The following FRMPD4 variants were observed in gnomAD, a reference collection of about 807,000 sequenced individuals.
The protein encoded by FRMPD4 is FERM and PDZ domain-containing protein 4.
Under a neutral mutation model 94.1 loss-of-function variants are expected in FRMPD4, and 22 were observed. The observed-to-expected ratio is 0.23, with a 90% CI of 0.17 to 0.33. The LOEUF (loss-of-function observed/expected upper bound fraction) is 0.33. Ranked by LOEUF, FRMPD4 falls within the 10% of genes least tolerant of loss-of-function variation. The pLI, the probability that FRMPD4 is intolerant of heterozygous loss-of-function variation, is 1.00. For missense variants in FRMPD4, 1,111 were observed against 1,339.9 expected (o/e 0.83, Z 2.67); for synonymous variants, 631 against 548.6 (o/e 1.15, Z -2.10).
chrX:12,433,679 T>C (rs1224575211), intron 1 of FRMPD4, among the ~76,000 whole-genome samples: 1 of 112,242 alleles, frequency 8.9e-6, no homozygotes, highest in Non-Finnish European at 1.9e-5. Flanking sequence ...ACTTACAGTC[T>C]ATTTGGAAAG....
At chrX:12,179,755 T>A (rs1232577242) in intron 1 of FRMPD4, among the ~76,000 whole-genome samples, 1 of 111,690 alleles carries the variant, frequency 9.0e-6, no homozygotes, top group Non-Finnish European at 1.9e-5. Flanking sequence ...CAAAGTTTAG[T>A]GCCCCATGGA....
Position 12,721,948 on chromosome X carries a change from T to C in FRMPD4, c.*90T>C. 1 of 335,160 alleles carries C rather than the reference T, an allele frequency of 3.0e-6. No homozygotes were observed. The highest frequency in any genetic ancestry group is 3.9e-6 in the Non-Finnish European group (1 of 255,030). The allele number at this position is 335,160 out of a possible 1,213,427, so 27.6% of individuals were successfully genotyped here. On this transcript the variant is annotated 3_prime_UTR_variant, in exon 17 of 17. Coordinates refer to ENST00000675598, the MANE Select transcript of FRMPD4 (RefSeq NM_001368397.1). ...GTATGATGAACAGATGTCTCCTTTC[T>C]TCTCTCTGTATATTTTGTTATTTTA...
intron 1 of FRMPD4, among the ~76,000 whole-genome samples, chrX:12,178,213 C>T (rs757557401): frequency 2.1e-4 from 23 of 111,800 alleles, no homozygotes; most frequent in African/African-American, 7.5e-4. Context: ...CCTCACTAGA[C>T]ATCAAATCAG....
intron 1 of FRMPD4, among the ~76,000 whole-genome samples, chrX:12,390,594 G>T (rs1302271938): frequency 9.0e-6 from 1 of 111,267 alleles, no homozygotes; most frequent in Non-Finnish European, 1.9e-5. Flanking sequence ...GTCACATTTG[G>T]GACCTTCTTA....
chrX:12,138,187 C>A (rs1322689299), upstream of FRMPD4, among the ~76,000 whole-genome samples: 2 of 112,580 alleles, frequency 1.8e-5, no homozygotes, highest in Non-Finnish European at 3.8e-5. Context: ...CCCTTCCCTT[C>A]CCCTTGACAA....
chrX:11,954,346 A>G (rs1389548923), intron 3 of FRMPD4, among the ~76,000 whole-genome samples: 1 of 112,412 alleles, frequency 8.9e-6, no homozygotes, highest in Non-Finnish European at 1.9e-5. Flanking sequence ...GAGATACTAC[A>G]TATTTTTTCC....
intron 3 of FRMPD4, among the ~76,000 whole-genome samples, chrX:11,927,278 C>T: frequency 8.9e-6 from 1 of 112,074 alleles, no homozygotes; most frequent in East Asian, 2.8e-4. Context: ...ACATTCTATG[C>T]TCACGTATAG....
At chrX:12,701,787 T>C in intron 9 of FRMPD4, 87 bp from the exon 10 acceptor site, 1 of 998,405 alleles carries the variant, frequency 1.0e-6, no homozygotes, top group Non-Finnish European at 1.4e-6. Flanking sequence ...GTTGAATCAC[T>C]CGGGAAATGT....
intron 3 of FRMPD4, among the ~76,000 whole-genome samples, chrX:11,969,642 C>T (rs2054329689): frequency 8.9e-6 from 1 of 111,776 alleles, no homozygotes; most frequent in Non-Finnish European, 1.9e-5. Flanking sequence ...GGCTGTCTTG[C>T]TATAGACCCA....
chrX:12,004,156 A>G (rs750733073), intron 3 of FRMPD4, among the ~76,000 whole-genome samples: 1 of 111,900 alleles, frequency 8.9e-6, no homozygotes, highest in Admixed American at 9.4e-5. Context: ...AAAGTTCCAG[A>G]GGTTGAAAAC....
intron 2 of FRMPD4, among the ~76,000 whole-genome samples, chrX:12,508,945 T>C (rs1453668868): frequency 2.3e-5 from 2 of 88,474 alleles, no homozygotes; most frequent in Non-Finnish European, 4.2e-5. Flanking sequence ...TGAGCTGAGA[T>C]CGCACCATTG....
chrX:12,459,370 G>A (rs1209881960), intron 1 of FRMPD4, among the ~76,000 whole-genome samples: 1 of 110,420 alleles, frequency 9.1e-6, no homozygotes, highest in African/African-American at 3.3e-5. Flanking sequence ...TGTAATTGCT[G>A]AATTTTAGTA....
intron 3 of FRMPD4, among the ~76,000 whole-genome samples, chrX:11,907,716 T>C (rs2053975609): frequency 8.9e-6 from 1 of 112,052 alleles, no homozygotes; most frequent in Non-Finnish European, 1.9e-5. Flanking sequence ...GATCACAACA[T>C]ATGAATACTG....
At chrX:11,829,893 G>A (rs780301564) in intron 1 of FRMPD4, among the ~76,000 whole-genome samples, 3 of 112,003 alleles carry the variant, frequency 2.7e-5, no homozygotes, top group Admixed American at 9.5e-5. Context: ...AAACTATATC[G>A]TCTTTCACTT....
At chrX:12,373,285 G>T (rs764281645) in intron 1 of FRMPD4, 1 of 112,036 alleles carries the variant, frequency 8.9e-6, no homozygotes, top group African/African-American at 3.2e-5. Flanking sequence ...ATTACATTTC[G>T]CATGCTTTAA....
At chrX:12,538,608 G>A (rs1414194946) in intron 2 of FRMPD4, among the ~76,000 whole-genome samples, 2 of 111,593 alleles carry the variant, frequency 1.8e-5, no homozygotes, top group African/African-American at 6.5e-5. Context: ...ACACGGCCGG[G>A]TACCCCTCTG....
chrX:12,716,195 C>T lies in FRMPD4; in HGVS notation c.1736C>T (p.Thr579Met), dbSNP rs149409320. 3.9e-5 allele frequency: 47 copies of T among 1,203,697 alleles called. No individual in the cohort carries two copies. In the African/African-American group the frequency reaches 5.6e-4, roughly 14 times the overall value. Reference protein sequence around the residue: ...QITYIDSKQKTVEITDSTMCP... With the variant: ...QITYIDSKQKMVEITDSTMCP... ...ACATACATAGATTCAAAGCAGAAGACGGTGGAGATCACAGACAGCACCATG... is the reference window on the plus strand; with the variant it reads ...ACATACATAGATTCAAAGCAGAAGATGGTGGAGATCACAGACAGCACCATG... The change falls in exon 15 of 17, where the codon ACG (threonine) becomes ATG (methionine). Residue 579 changes from threonine to methionine, a missense_variant. Around this residue, in one of 8 missense-constraint regions of FRMPD4, gnomAD observed 192 missense variants for 192.5 expected, o/e 1.00. Coordinates refer to ENST00000675598, the MANE Select transcript of FRMPD4 (RefSeq NM_001368397.1).
chrX:12,469,840 T>G (rs1342051549), intron 1 of FRMPD4, among the ~76,000 whole-genome samples: 1 of 112,601 alleles, frequency 8.9e-6, no homozygotes, highest in African/African-American at 3.2e-5. Flanking sequence ...AAGGCATCTA[T>G]TAGGTAAAAA....
At chrX:11,974,569 A>G (rs2054357607) in intron 3 of FRMPD4, among the ~76,000 whole-genome samples, 1 of 112,482 alleles carries the variant, frequency 8.9e-6, no homozygotes, top group African/African-American at 3.2e-5. Flanking sequence ...AGCCCAAAGC[A>G]ATAATCAGAA....
Sources: gnomAD v4.1 joint callset for allele counts (sites outside exome capture counted in the v4.1 genomes callset) on GRCh38, gnomAD v4.1.1 for gene constraint, gnomAD v4.1.1 regional missense constraint, MANE v1.5 for transcripts, NCBI Gene and HGNC (gene_info 2026-07-23, HGNC 2026-07-21) for gene names.